TADA2B: variants seen among roughly 807,000 people sequenced by gnomAD.
The protein encoded by TADA2B is transcriptional adaptor 2B.
TADA2B carries 13 observed loss-of-function variants against 34.5 expected under a neutral mutation model. That is an observed-to-expected ratio of 0.38 (90% CI 0.25 to 0.60). The LOEUF (loss-of-function observed/expected upper bound fraction) is 0.60. TADA2B is among the 20% of genes least tolerant of loss of function. The probability of loss-of-function intolerance (pLI) is 0.65; values close to 1 mark genes in which losing one functional copy is unlikely to be tolerated. For missense variants in TADA2B, 442 were observed against 575.0 expected (o/e 0.77, Z 2.37); for synonymous variants, 240 against 243.4 (o/e 0.99, Z 0.13).
At chr4:7,051,281 C>T (rs1191254860) in intron 1 of TADA2B, among the ~76,000 whole-genome samples, 3 of 152,128 alleles carry the variant, frequency 2.0e-5, no homozygotes, top group Admixed American at 6.5e-5. Context: ...CTGCCGTGAC[C>T]GAGCACACGC....
chr4:7,043,810 G>A lies in TADA2B; in HGVS notation c.231G>A (p.Leu77=). The A allele has an allele frequency of 6.6e-7, 1 of 1,518,438 alleles. No individual in the cohort carries two copies. Among genetic ancestry groups the A allele is most frequent in the East Asian group, 2.5e-5 (1 of 40,702 alleles). The allele number at this position is 1,518,438 out of a possible 1,614,324, so 94.1% of individuals were successfully genotyped here. A position where few individuals can be genotyped will look rare whatever the true frequency, so the allele number is the denominator to read the frequency against. ...EGGWTSREEQ[L]LLDAIEQFGF... is the part of the protein sequence containing the mutation. ...GCTGGACCAGTCGCGAGGAGCAGCTGCTGCTGGACGCCATCGAGCAGTTCG... is the reference window on the plus strand; with the variant it reads ...GCTGGACCAGTCGCGAGGAGCAGCTACTGCTGGACGCCATCGAGCAGTTCG... The change falls in exon 1 of 2, where the codon CTG becomes CTA. Residue 77 remains leucine (L), a synonymous_variant. Coordinates refer to ENST00000310074, the MANE Select transcript of TADA2B (RefSeq NM_152293.3).
At position 7,054,565 on chromosome 4, in the gene TADA2B, G is replaced by T; in HGVS notation, c.774G>T (p.Lys258Asn). ...AGGAGGAGAAGGAGCTGCGCCTGAAGCTGAGGCCGCTGTACCAGTTCATGT... is the reference window on the plus strand; with the variant it reads ...AGGAGGAGAAGGAGCTGCGCCTGAATCTGAGGCCGCTGTACCAGTTCATGT... ...ITKEEKELRL[K>N]LRPLYQFMSC... is the part of the protein sequence containing the mutation. Residue 258 changes from lysine (K) to asparagine (N), a missense_variant, in exon 2 of 2, where the codon AAG becomes AAT. Transcript: ENST00000310074. 1 of 1,613,890 alleles carries T rather than the reference G, an allele frequency of 6.2e-7. No individual in the cohort carries two copies. Among genetic ancestry groups the T allele is most frequent in the Non-Finnish European group, 8.5e-7 (1 of 1,179,898 alleles).
rs374076663 is a variant in TADA2B at position 7,053,988 on chromosome 4, G to A, written c.271-74G>A. ...ACTCTAGGTCAGCCTTTGTAAAAAC[G>A]TGAAGAGAATCTGTGCGGAACCCAA... On this transcript the variant is annotated intron_variant, in intron 1 of 1. Coordinates refer to ENST00000310074, the MANE Select transcript of TADA2B (RefSeq NM_152293.3). The A allele has an allele frequency of 1.7e-5, 25 of 1,463,592 alleles. 1 individual carries two copies. Among genetic ancestry groups the A allele is most frequent in the South Asian group, 1.1e-4 (8 of 71,592 alleles). 90.7% of individuals were successfully genotyped at this position (1,463,592 alleles called of 1,614,324 possible). A position where few individuals can be genotyped will look rare whatever the true frequency, so the allele number is the denominator to read the frequency against.
At chr4:7,054,030 G>C (rs746096867) in intron 1 of TADA2B, 32 bp from the exon 2 acceptor site, 5 of 1,525,332 alleles carry the variant, frequency 3.3e-6, no homozygotes, top group Non-Finnish European at 4.4e-6. Context: ...CACCCTGATG[G>C]TGGAACTAAC....
intron 1 of TADA2B, among the ~76,000 whole-genome samples, chr4:7,048,609 T>C (rs1723693705): frequency 6.6e-6 from 1 of 152,140 alleles, no homozygotes; most frequent in South Asian, 2.1e-4. Flanking sequence ...AAATTTACCA[T>C]TTTAACCGTT....
intron 1 of TADA2B, among the ~76,000 whole-genome samples, chr4:7,044,782 A>G (rs1723582795): frequency 6.6e-6 from 1 of 152,138 alleles, no homozygotes; most frequent in African/African-American, 2.4e-5. Flanking sequence ...TTCCCCTGCT[A>G]CACCAGGTGC....
chr4:7,057,219 T>C lies in TADA2B; in HGVS notation c.*2165T>C, dbSNP rs1179991758. On this transcript the variant is annotated 3_prime_UTR_variant, in exon 2 of 2. Coordinates refer to ENST00000310074, the MANE Select transcript of TADA2B (RefSeq NM_152293.3). The stretch of plus-strand genomic sequence containing the variant: ...AAGAGCTGTCAAATGAAAAACTTTG[T>C]GCTGAAGCAGGTTTTTAGTATGTAT... 6.6e-6 allele frequency: 1 copy of C among 152,286 alleles called. No homozygotes were observed. Among genetic ancestry groups the C allele is most frequent in the Non-Finnish European group, 1.5e-5 (1 of 68,052 alleles). The allele number at this position is 152,286 out of a possible 1,614,324, so 9.4% of individuals were successfully genotyped here.
At chr4:7,050,850 C>T (rs956464662) in intron 1 of TADA2B, among the ~76,000 whole-genome samples, 7 of 152,226 alleles carry the variant, frequency 4.6e-5, no homozygotes, top group African/African-American at 1.2e-4. Flanking sequence ...TTCTGCTGTG[C>T]GCTGCATCGT....
At chr4:7,047,843 CT>C (rs1723672030) in intron 1 of TADA2B, among the ~76,000 whole-genome samples, 1 of 152,224 alleles carries the variant, frequency 6.6e-6, no homozygotes, top group African/African-American at 2.4e-5. Flanking sequence ...AAGAGTGTTG[CT>C]GGCTCAGGCT....
rs1723915518 is a variant in TADA2B, at chr4:7,057,360, T to C, written c.*2306T>C. ...CCTTTGTCACAAAGGAATGGTAATG[T>C]GATTGGCTGCCTGTTAGCCCATCGA... On this transcript the variant is annotated 3_prime_UTR_variant, in exon 2 of 2. Transcript: ENST00000310074. 1 of 152,276 alleles carries C rather than the reference T, an allele frequency of 6.6e-6. No individual in the cohort carries two copies. The highest frequency in any genetic ancestry group is 2.4e-5 in the African/African-American group (1 of 41,472). The allele number at this position is 152,276 out of a possible 1,614,324, so 9.4% of individuals were successfully genotyped here. A position where few individuals can be genotyped will look rare whatever the true frequency, so the allele number is the denominator to read the frequency against.
At position 7,056,447 on chromosome 4, in the gene TADA2B, A is replaced by G. The variant is rs1438143761; in HGVS notation, c.*1393A>G. ...GGTTGACTTGCCTCTCGGGCCCCGT[A>G]GGTACCAAGAGACTGTTTACCTCCC... On this transcript the variant is annotated 3_prime_UTR_variant, in exon 2 of 2. Coordinates refer to ENST00000310074, the MANE Select transcript of TADA2B (RefSeq NM_152293.3). The G allele has an allele frequency of 1.3e-5, 2 of 152,618 alleles. No individual in the cohort carries two copies. Among genetic ancestry groups the G allele is most frequent in the Non-Finnish European group, 2.9e-5 (2 of 68,040 alleles). The allele number at this position is 152,618 out of a possible 1,614,324, so 9.5% of individuals were successfully genotyped here.
At chr4:7,048,711 A>G (rs1723695271) in intron 1 of TADA2B, among the ~76,000 whole-genome samples, 1 of 151,950 alleles carries the variant, frequency 6.6e-6, no homozygotes, top group Non-Finnish European at 1.5e-5. Context: ...GGCAGACTGA[A>G]ACTCTGTCCC....
chr4:7,050,748 C>G (rs947506491), intron 1 of TADA2B, among the ~76,000 whole-genome samples: 1 of 152,240 alleles, frequency 6.6e-6, no homozygotes, highest in Non-Finnish European at 1.5e-5. Flanking sequence ...TGGCACGTCT[C>G]CAACGTGCTT....
Position 7,055,564 on chromosome 4 carries a change from C to T in TADA2B, c.*510C>T, listed in dbSNP as rs1289172453. ...CACTTTACATGGGGGCAGCTTGGGC[C>T]CAGACTCCTCCGCTGTGTAGCAGAT... On this transcript the variant is annotated 3_prime_UTR_variant, in exon 2 of 2. Coordinates refer to ENST00000310074, the MANE Select transcript of TADA2B (RefSeq NM_152293.3). 6.4e-6 allele frequency: 1 copy of T among 155,070 alleles called. No individual in the cohort carries two copies. Among genetic ancestry groups the T allele is most frequent in the Non-Finnish European group, 1.4e-5 (1 of 69,940 alleles). The allele number at this position is 155,070 out of a possible 1,614,324, so 9.6% of individuals were successfully genotyped here.
chr4:7,043,763 T>TG lies in TADA2B; in HGVS notation c.189dup (p.Pro64AlafsTer97). On this transcript the variant is annotated frameshift_variant, in exon 1 of 2. Transcript: ENST00000310074. LOFTEE classifies it high-confidence loss of function. ...GGTGGACGGCGGGCGCTTCACGCTC[T>TG]GGGGGCCCGAGGCCGAGGGCGGCTG... 1 of 1,573,362 alleles carries TG rather than the reference T, an allele frequency of 6.4e-7. No individual in the cohort carries two copies. The highest frequency in any genetic ancestry group is 1.4e-5 in the African/African-American group (1 of 73,224).
intron 1 of TADA2B, among the ~76,000 whole-genome samples, chr4:7,048,964 G>A (rs1723700351): frequency 6.6e-6 from 1 of 152,222 alleles, no homozygotes; most frequent in Admixed American, 6.5e-5. Flanking sequence ...TATCTACATA[G>A]CTGTGACGGA....
At chr4:7,050,877 C>T (rs764687545) in intron 1 of TADA2B, among the ~76,000 whole-genome samples, 96 of 152,166 alleles carry the variant, frequency 6.3e-4, no homozygotes, top group African/African-American at 8.4e-4. Context: ...GTGGGGGGCG[C>T]GTGGCGACGG....
At chr4:7,049,188 C>T (rs1026025213) in intron 1 of TADA2B, among the ~76,000 whole-genome samples, 1 of 152,182 alleles carries the variant, frequency 6.6e-6, no homozygotes, top group Non-Finnish European at 1.5e-5. Context: ...AAGCGATCCT[C>T]CTACCTCAGC....
At position 7,054,736 on chromosome 4, in the gene TADA2B, G is replaced by C. The variant is rs750943990; in HGVS notation, c.945G>C (p.Arg315=). ...SAEYEAARHK[R]EKRKENKNLA... ...AGTACGAGGCAGCGCGGCATAAACG[G>C]GAGAAGAGGAAGGAGAACAAAAACC... Residue 315 remains arginine, a synonymous_variant, in exon 2 of 2, where the codon CGG becomes CGC. Coordinates refer to ENST00000310074, the MANE Select transcript of TADA2B (RefSeq NM_152293.3). 1.1e-5 allele frequency: 17 copies of C among 1,613,838 alleles called. No individual in the cohort carries two copies. Among genetic ancestry groups the C allele is most frequent in the Non-Finnish European group, 1.3e-5 (15 of 1,179,894 alleles).
Sources: allele counts gnomAD v4.1 joint callset (sites outside exome capture counted in the v4.1 genomes callset), GRCh38; gene constraint gnomAD v4.1.1; transcripts MANE v1.5; gene names NCBI Gene and HGNC (gene_info 2026-07-23, HGNC 2026-07-21).